TTC23: variants seen among roughly 807,000 people sequenced by gnomAD.
TTC23 encodes the protein tetratricopeptide repeat domain 23, also known as tetratricopeptide repeat protein 23.
A neutral mutation model predicts 55.1 loss-of-function variants in TTC23; 58 were observed. The observed-to-expected ratio is 1.05, with a 90% CI of 0.85 to 1.31. The LOEUF (loss-of-function observed/expected upper bound fraction) is 1.31. Ranked by LOEUF, TTC23 falls within the 50% of genes most tolerant of loss-of-function variation. The pLI, the probability that TTC23 is intolerant of heterozygous loss-of-function variation, is 0.00. For synonymous variants in TTC23, 203 were observed against 199.9 expected, an observed-to-expected ratio of 1.02 and a Z score of -0.13; for missense variants, 516 against 534.4, an observed-to-expected ratio of 0.97 and a Z score of 0.34.
rs35683833 is a variant in TTC23, at chr15:99,245,513, CAA to C, written c.-430-5_-430-4del. The C allele has an allele frequency of 1.6e-3, 187 of 115,668 alleles. No individual in the cohort carries two copies. Among genetic ancestry groups the C allele is most frequent in the Middle Eastern group, 8.0e-3 (2 of 250 alleles). 7.2% of individuals were successfully genotyped at this position (115,668 alleles called of 1,614,324 possible). A position where few individuals can be genotyped will look rare whatever the true frequency, so the allele number is the denominator to read the frequency against. On this transcript the variant is annotated splice_polypyrimidine_tract_variant and splice_region_variant and intron_variant, in intron 1 of 13. Transcript: ENST00000394132. ...TGGGTGACAGAGCGAGACTCCATCT[CAA>C]AAAAAAAAAAAAAAGAATTAATATA...
At chr15:99,228,066 C>T (rs2078609697) in intron 5 of TTC23, among the ~76,000 whole-genome samples, 1 of 152,178 alleles carries the variant, frequency 6.6e-6, no homozygotes, top group African/African-American at 2.4e-5. Context: ...ACCTACATTG[C>T]ACCTGGCACA....
intron 9 of TTC23, among the ~76,000 whole-genome samples, chr15:99,196,848 C>A (rs527365654): frequency 2.6e-5 from 4 of 152,204 alleles, no homozygotes; most frequent in African/African-American, 4.8e-5. Flanking sequence ...AGCTCAAATT[C>A]CTTAAGATGA....
At chr15:99,206,433 A>G (rs979022140) in intron 8 of TTC23, among the ~76,000 whole-genome samples, 7 of 152,174 alleles carry the variant, frequency 4.6e-5, no homozygotes, top group African/African-American at 1.7e-4. Context: ...TGAAGCCATC[A>G]GATCTTGGGC....
intron 8 of TTC23, among the ~76,000 whole-genome samples, chr15:99,210,763 G>T (rs1044776953): frequency 1.3e-5 from 2 of 152,176 alleles, no homozygotes; most frequent in Non-Finnish European, 2.9e-5. Context: ...ATTTTGGGAG[G>T]ACTATGGGAT....
chr15:99,185,102 A>C (rs1024547990), intron 9 of TTC23, among the ~76,000 whole-genome samples: 3 of 152,136 alleles, frequency 2.0e-5, no homozygotes, highest in Non-Finnish European at 4.4e-5. Flanking sequence ...TTTTCTTCAT[A>C]AATTACCCAG....
At chr15:99,145,980 T>C (rs1353057529) in intron 12 of TTC23, among the ~76,000 whole-genome samples, 4 of 152,162 alleles carry the variant, frequency 2.6e-5, no homozygotes, top group African/African-American at 7.2e-5. Context: ...CCTGGGGGCA[T>C]GGATGTCATC....
At position 99,218,632 on chromosome 15, in the gene TTC23, T is replaced by G. The variant is rs751971098; in HGVS notation, c.537A>C (p.Glu179Asp). 3 of 1,614,256 alleles carry G rather than the reference T, an allele frequency of 1.9e-6. No homozygotes were observed. In the Admixed American group the frequency reaches 5.0e-5, roughly 27 times the overall value. Residue 179 changes from glutamate (E) to aspartate (D), a missense_variant, in exon 8 of 14, where the codon GAA becomes GAC. Physicochemically the swap from Glu to Asp is conservative, Grantham distance 45. Coordinates refer to ENST00000394132, the MANE Select transcript of TTC23 (RefSeq NM_001288615.3). The stretch of plus-strand genomic sequence containing the variant: ...TCCGTGCTTCAATTTCTATCCATTC[T>G]TCCTTTATAATTCTTCCACATTGTA... ...ELLQCGRIIK[E>D]EWIEIEARIR...
At chr15:99,203,315 A>C (rs752679756) in intron 8 of TTC23, among the ~76,000 whole-genome samples, 1 of 152,150 alleles carries the variant, frequency 6.6e-6, no homozygotes, top group African/African-American at 2.4e-5. Context: ...TAGAGGACAA[A>C]TTTTTTTAAA....
intron 4 of TTC23, among the ~76,000 whole-genome samples, chr15:99,234,634 A>G (rs148662976): frequency 6.8e-4 from 104 of 152,250 alleles, no homozygotes; most frequent in African/African-American, 2.3e-3. Context: ...AGCCTCCCAA[A>G]GTGCTGGGAT....
intron 10 of TTC23, among the ~76,000 whole-genome samples, chr15:99,167,966 T>A (rs73482327): frequency 6.6e-6 from 1 of 152,282 alleles, no homozygotes; most frequent in East Asian, 1.9e-4. Flanking sequence ...AGGAAACACA[T>A]TGAAGCTACT....
chr15:99,145,413 A>G (rs782322895), intron 12 of TTC23: 6 of 152,232 alleles, frequency 3.9e-5, no homozygotes, highest in Non-Finnish European at 5.9e-5. Context: ...GGGGCTATGA[A>G]TGAATACCGG....
intron 11 of TTC23, chr15:99,158,107 C>G (rs959860757): frequency 5.3e-5 from 8 of 152,212 alleles, no homozygotes; most frequent in Non-Finnish European, 4.4e-5. Flanking sequence ...AAATAAATTT[C>G]TCAGGTGAAA....
chr15:99,250,919 C>A (rs542728136), upstream of TTC23, among the ~76,000 whole-genome samples: 1 of 152,342 alleles, frequency 6.6e-6, no homozygotes, highest in Non-Finnish European at 1.5e-5. Flanking sequence ...CATAAACCCA[C>A]TGGCCTGTTT....
At position 99,231,693 on chromosome 15, in the gene TTC23, C is replaced by T. The variant is rs184667981; in HGVS notation, c.-20-2961G>A. ...ATTTTTAGTAGAGATAGGGTTTCAC[C>T]GTGTTAGCCAGGATGGTCTCGATCT... On this transcript the variant is annotated intron_variant, in intron 4 of 13. Transcript: ENST00000394132. Among the ~76,000 whole-genome samples the T allele has an allele frequency of 1.3e-3, 192 of 152,014 alleles. 2 individuals are homozygous for T. The highest frequency in any genetic ancestry group is 4.4e-3 in the African/African-American group (184 of 41,462).
At chr15:99,235,452 T>C (rs2079243769) in intron 3 of TTC23, among the ~76,000 whole-genome samples, 1 of 150,832 alleles carries the variant, frequency 6.6e-6, no homozygotes, top group African/African-American at 2.4e-5. Context: ...CTCACTGCAA[T>C]CTCTGCCTCC....
intron 1 of TTC23, among the ~76,000 whole-genome samples, chr15:99,248,482 G>T (rs886949088): frequency 6.6e-6 from 1 of 152,096 alleles, no homozygotes; most frequent in Non-Finnish European, 1.5e-5. Flanking sequence ...TCACTAGTAG[G>T]GATGCCACTT....
intron 12 of TTC23, chr15:99,141,080 G>A (rs2068177341): frequency 6.6e-6 from 1 of 152,142 alleles, no homozygotes; most frequent in African/African-American, 2.4e-5. Flanking sequence ...AAACTACCAA[G>A]TTTTGTTAAA....
chr15:99,180,050 T>A (rs1195968822), intron 9 of TTC23, among the ~76,000 whole-genome samples: 3 of 152,204 alleles, frequency 2.0e-5, no homozygotes, highest in Non-Finnish European at 4.4e-5. Flanking sequence ...ATTACAGGCA[T>A]CCTGCTTGCC....
intron 12 of TTC23, among the ~76,000 whole-genome samples, chr15:99,146,603 A>G (rs1335702214): frequency 6.6e-6 from 1 of 152,136 alleles, no homozygotes; most frequent in Non-Finnish European, 1.5e-5. Flanking sequence ...ACCTCTCCAG[A>G]CCTTGTGGGA....
Sources: allele counts gnomAD v4.1 joint callset (sites outside exome capture counted in the v4.1 genomes callset), GRCh38; gene constraint gnomAD v4.1.1; transcripts MANE v1.5; gene names NCBI Gene and HGNC (gene_info 2026-07-23, HGNC 2026-07-21).